Variants in CDC34 observed in about 807,000 individuals in gnomAD.
CDC34 encodes the protein cell division cycle 34, ubiquitin conjugating enzyme.
A neutral mutation model predicts 26.8 loss-of-function variants in CDC34; 18 were observed. That is an observed-to-expected ratio of 0.67 (90% CI 0.47 to 1.00). The LOEUF (loss-of-function observed/expected upper bound fraction) is 1.00. CDC34 is among the 50% of genes least tolerant of loss of function. The probability of loss-of-function intolerance (pLI) is 0.00; values close to 1 mark genes in which losing one functional copy is unlikely to be tolerated. For missense variants in CDC34, 280 were observed against 334.5 expected, an observed-to-expected ratio of 0.84 and a Z score of 1.27; for synonymous variants, 178 against 147.5, an observed-to-expected ratio of 1.21 and a Z score of -1.50.
chr19:532,181 C>T, intron 1 of CDC34, 73 bp downstream of exon 1: 1 of 1,262,290 alleles, frequency 7.9e-7, no homozygotes, highest in South Asian at 1.6e-5. Context: ...AGCTCCCTGC[C>T]CCGCGGTCCT....
At chr19:538,264 T>C (rs768916167) in intron 4 of CDC34, among the ~76,000 whole-genome samples, 6 of 152,236 alleles carry the variant, frequency 3.9e-5, no homozygotes, top group Non-Finnish European at 7.3e-5. Context: ...CCTGGTGAGC[T>C]CTGGGTACAG....
rs758628661 is a variant in CDC34, at chr19:536,260, C to A, written c.282C>A (p.Ile94=). The change falls in exon 3 of 5, where the codon ATC becomes ATA. Residue 94 remains isoleucine, a synonymous_variant. Transcript: ENST00000215574. Reference sequence around the variant, plus strand: ...TTGTGCAGACGGGGGACGTGTGTATCTCCATCCTCCACCCGCCGGTGGACG... The same window carrying A: ...TTGTGCAGACGGGGGACGTGTGTATATCCATCCTCCACCCGCCGGTGGACG... The part of the protein sequence containing the change: ...PNIYETGDVC[I]SILHPPVDDP... 5.6e-6 allele frequency: 9 copies of A among 1,606,440 alleles called. No individual in the cohort carries two copies. Among genetic ancestry groups the A allele is most frequent in the Admixed American group, 5.1e-5 (3 of 59,184 alleles).
chr19:533,145 CA>C (rs1979574090), intron 1 of CDC34, among the ~76,000 whole-genome samples: 1 of 152,194 alleles, frequency 6.6e-6, no homozygotes. Flanking sequence ...TTTTAGCGTT[CA>C]GGGACCTCGT....
chr19:538,478 G>A (rs961734080), intron 4 of CDC34, among the ~76,000 whole-genome samples: 9 of 152,100 alleles, frequency 5.9e-5, no homozygotes, highest in Non-Finnish European at 8.8e-5. Context: ...CTTTCTTTAC[G>A]GGTTGACGGC....
chr19:541,038 G>C (rs879717764), intron 4 of CDC34, among the ~76,000 whole-genome samples: 4 of 152,182 alleles, frequency 2.6e-5, no homozygotes, highest in Non-Finnish European at 5.9e-5. Context: ...TGCCGGCATC[G>C]TTATTTTCTC....
chr19:534,172 CT>C (rs1446408954), intron 1 of CDC34, among the ~76,000 whole-genome samples: 1 of 152,174 alleles, frequency 6.6e-6, no homozygotes, highest in East Asian at 1.9e-4. Context: ...CAGCACCAGG[CT>C]TGGGGGGCCT....
chr19:538,758 G>C (rs1555720652), intron 4 of CDC34: 11 of 985,394 alleles, frequency 1.1e-5, no homozygotes, highest in Non-Finnish European at 1.3e-5. Flanking sequence ...GCAGCATCCT[G>C]GTGCTGGGCG....
chr19:532,185 C>G (rs1979519994), intron 1 of CDC34, 77 bp downstream of exon 1: 1 of 1,223,568 alleles, frequency 8.2e-7, no homozygotes, highest in African/African-American at 1.6e-5. Flanking sequence ...CCCTGCCCCG[C>G]GGTCCTAGCG....
chr19:536,450 C>G, intron 3 of CDC34, 110 bp downstream of exon 3: 1 of 826,554 alleles, frequency 1.2e-6, no homozygotes, highest in South Asian at 1.7e-5. Flanking sequence ...GGCTGTGGCG[C>G]CAAGGCCTGA....
In CDC34 at chr19:535,635, G is replaced by A. The variant is rs183928612; in HGVS notation, c.178-202G>A. On this transcript the variant is annotated intron_variant, in intron 1 of 4. Coordinates refer to ENST00000215574, the MANE Select transcript of CDC34 (RefSeq NM_004359.2). ...CTGTGTAGGAGCTGGGATCAGCTCG[G>A]GTGACTCAGAAAAGGCTTCAGGCAG... Among the ~76,000 whole-genome samples the A allele has an allele frequency of 6.6e-3, 1,009 of 152,338 alleles. 17 individuals carry two copies. Among genetic ancestry groups the A allele is most frequent in the African/African-American group, 0.023 (952 of 41,572 alleles).
chr19:532,343 C>G (rs1004403740), intron 1 of CDC34, among the ~76,000 whole-genome samples: 1 of 152,362 alleles, frequency 6.6e-6, no homozygotes, highest in South Asian at 2.1e-4. Context: ...TCCCCAGTTC[C>G]CTTCAAGGCA....
intron 4 of CDC34, among the ~76,000 whole-genome samples, chr19:539,539 G>A (rs1443190725): frequency 6.6e-6 from 1 of 152,214 alleles, no homozygotes; most frequent in East Asian, 1.9e-4. Context: ...CACGCGTCAT[G>A]CATCCCCATA....
In CDC34 at chr19:532,163, C is replaced by T. The variant is rs1310752623; in HGVS notation, c.177+55C>T. The T allele has an allele frequency of 8.8e-6, 12 of 1,367,332 alleles. No individual in the cohort carries two copies. The East Asian group carries it at 3.1e-4, about 35-fold the overall frequency. The allele number at this position is 1,367,332 out of a possible 1,614,324, so 84.7% of individuals were successfully genotyped here. ...GGAGCCCACGAGCGACCTCGGGCGC[C>T]GGGAACCAGCTCCCTGCCCCGCGGT... On this transcript the variant is annotated intron_variant, in intron 1 of 4. Transcript: ENST00000215574.
intron 4 of CDC34, chr19:538,572 C>A: frequency 2.9e-6 from 1 of 344,208 alleles, no homozygotes; most frequent in Non-Finnish European, 4.1e-6. Context: ...GCATAGATTT[C>A]CTCACAGAGG....
rs1979875001 is a variant in CDC34 at position 538,677 on chromosome 19, G to C, written c.497+1530G>C. The C allele has an allele frequency of 3.0e-6, 3 of 983,944 alleles. No individual in the cohort carries two copies. The South Asian group carries it at 1.4e-4, about 46-fold the overall frequency. 61.0% of individuals were successfully genotyped at this position (983,944 alleles called of 1,614,324 possible). On this transcript the variant is annotated intron_variant, in intron 4 of 4. Coordinates refer to ENST00000215574, the MANE Select transcript of CDC34 (RefSeq NM_004359.2). ...TAATGCATGTGTCTTCCTCGCCCCAGGACCCAGGAGCATCCAGGGCACCTT... is the reference window on the plus strand; with the variant it reads ...TAATGCATGTGTCTTCCTCGCCCCACGACCCAGGAGCATCCAGGGCACCTT...
intron 1 of CDC34, among the ~76,000 whole-genome samples, chr19:534,053 C>T (rs551932521): frequency 7.2e-5 from 11 of 152,270 alleles, no homozygotes; most frequent in Admixed American, 3.3e-4. Flanking sequence ...GGGTTTGCTC[C>T]GGGGAAAAGA....
At position 535,880 on chromosome 19, in the gene CDC34, C is replaced by T. The variant is rs1035638093; in HGVS notation, c.221C>T (p.Ala74Val). 7 of 1,613,870 alleles carry T rather than the reference C, an allele frequency of 4.3e-6. No individual in the cohort carries two copies. The Admixed American group carries it at 8.3e-5, about 19-fold the overall frequency. The change falls in exon 2 of 5, where the codon GCC becomes GTC. Residue 74 changes from alanine (A) to valine (V), a missense_variant. Physicochemically the swap from Ala to Val is moderately conservative, Grantham distance 64. Coordinates refer to ENST00000215574, the MANE Select transcript of CDC34 (RefSeq NM_004359.2). ...FPIDYPYSPP[A>V]FRFLTKMWHP... is the part of the protein sequence containing the mutation. ...ATCGACTACCCATACTCTCCACCAG[C>T]CTTTCGGTTCCTGACCAAGATGTGG...
chr19:541,551 G>T lies in CDC34; in HGVS notation c.710G>T (p.Ter237LeuextTer90). ...GATGACTCTGGCACGGAGGAGTCCT[G>T]ACACCACCAGAATAAACTTGCCGAG... Reference protein sequence around the residue: ...DEDDSGTEES* With the variant: ...DEDDSGTEESL The change falls in exon 5 of 5, where the codon TGA becomes TTA. Residue 237 changes from the stop codon to leucine (L), a stop_lost. Transcript: ENST00000215574. 6.4e-7 allele frequency: 1 copy of T among 1,572,108 alleles called. No homozygotes were observed. The highest frequency in any genetic ancestry group is 1.2e-5 in the South Asian group (1 of 86,262).
chr19:538,588 C>T (rs1223549145), intron 4 of CDC34: 2 of 491,050 alleles, frequency 4.1e-6, no homozygotes, highest in Admixed American at 6.4e-5. Flanking sequence ...AGAGGCCTCA[C>T]CTATTTTTGT....
Sources: gnomAD v4.1 joint callset for allele counts (sites outside exome capture counted in the v4.1 genomes callset) on GRCh38, gnomAD v4.1.1 for gene constraint, MANE v1.5 for transcripts, NCBI Gene and HGNC (gene_info 2026-07-23, HGNC 2026-07-21) for gene names.